The following RASGEF1A variants were observed in gnomAD, a reference collection of about 807,000 sequenced individuals.
RASGEF1A encodes RasGEF domain family member 1A, also known as ras-GEF domain-containing family member 1A.
Under a neutral mutation model 56.4 loss-of-function variants are expected in RASGEF1A, and 18 were observed. That is an observed-to-expected ratio of 0.32 (90% CI 0.22 to 0.47). The LOEUF (loss-of-function observed/expected upper bound fraction) is 0.47. Ranked by LOEUF, RASGEF1A falls within the 20% of genes least tolerant of loss-of-function variation. The probability of loss-of-function intolerance (pLI) is 1.00; values close to 1 mark genes in which losing one functional copy is unlikely to be tolerated. For missense variants in RASGEF1A, 422 were observed against 627.1 expected, an observed-to-expected ratio of 0.67 and a Z score of 3.49; for synonymous variants, 245 against 242.6, an observed-to-expected ratio of 1.01 and a Z score of -0.09.
chr10:43,199,214 C>A lies in RASGEF1A; in HGVS notation c.850-20G>T. The A allele has an allele frequency of 6.3e-7, 1 of 1,575,000 alleles. No homozygotes were observed. The highest frequency in any genetic ancestry group is 8.7e-7 in the Non-Finnish European group (1 of 1,153,460). The stretch of plus-strand genomic sequence containing the variant: ...CACCACCTGGAAGGTGGCAGGTGAC[C>A]TCAGCATGGCGCTGCCGGGGGACAG... On this transcript the variant is annotated intron_variant, in intron 7 of 12. Coordinates refer to ENST00000395810, the MANE Select transcript of RASGEF1A (RefSeq NM_145313.4).
chr10:43,205,346 G>C (rs1839977672), intron 2 of RASGEF1A, among the ~76,000 whole-genome samples: 1 of 152,174 alleles, frequency 6.6e-6, no homozygotes, highest in Non-Finnish European at 1.5e-5. Flanking sequence ...TCTGTTCCAA[G>C]ACTGTATCAT....
At chr10:43,262,373 C>G (rs866625503) in intron 1 of RASGEF1A, among the ~76,000 whole-genome samples, 19 of 152,304 alleles carry the variant, frequency 1.2e-4, no homozygotes, top group Middle Eastern at 3.4e-3. Context: ...AAACAGGGTG[C>G]TGGCCTCCCA....
intron 4 of RASGEF1A, 38 bp downstream of exon 4, chr10:43,201,770 C>T (rs886580593): frequency 2.0e-6 from 3 of 1,513,498 alleles, no homozygotes; most frequent in Admixed American, 1.9e-5. Flanking sequence ...CCCTGGCACA[C>T]ACCCAAAGAC....
chr10:43,206,305 G>C (rs1418978831), intron 1 of RASGEF1A, among the ~76,000 whole-genome samples, 183 bp from the exon 2 acceptor site: 1 of 152,202 alleles, frequency 6.6e-6, no homozygotes, highest in Non-Finnish European at 1.5e-5. Flanking sequence ...TGGTCCCCCA[G>C]CCGCTGCACA....
chr10:43,230,906 G>T (rs1840357848), intron 1 of RASGEF1A, among the ~76,000 whole-genome samples: 1 of 152,160 alleles, frequency 6.6e-6, no homozygotes, highest in South Asian at 2.1e-4. Context: ...TCATTCACTG[G>T]CCTCCCTCAA....
intron 1 of RASGEF1A, among the ~76,000 whole-genome samples, chr10:43,244,792 T>C (rs1840551653): frequency 6.6e-6 from 1 of 152,116 alleles, no homozygotes; most frequent in Admixed American, 6.6e-5. Context: ...ATGCCAAACT[T>C]ACGGAATACA....
intron 1 of RASGEF1A, among the ~76,000 whole-genome samples, chr10:43,234,905 C>T (rs1438730503): frequency 1.3e-5 from 2 of 152,242 alleles, no homozygotes; most frequent in African/African-American, 4.8e-5. Flanking sequence ...CCTGCACACA[C>T]AGCCACGGTC....
At chr10:43,199,815 G>A in intron 6 of RASGEF1A, 47 bp from the exon 7 acceptor site, 1 of 1,488,938 alleles carries the variant, frequency 6.7e-7, no homozygotes, top group Non-Finnish European at 9.3e-7. Context: ...GACCATGGCT[G>A]GACAACTTAG....
At position 43,198,915 on chromosome 10, in the gene RASGEF1A, C is replaced by T. The variant is rs1474516169; in HGVS notation, c.1032+18G>A. ...AAATGGGTGCAGCTCGCAGCTGTGA[C>T]GGGGCTCAGGTGCCTACCTCCAAGA... On this transcript the variant is annotated intron_variant, in intron 9 of 12. Transcript: ENST00000395810. The T allele has an allele frequency of 1.4e-5, 22 of 1,610,030 alleles. No homozygotes were observed. Among genetic ancestry groups the T allele is most frequent in the Non-Finnish European group, 1.4e-5 (17 of 1,177,842 alleles).
chr10:43,230,337 G>A (rs920664589), intron 1 of RASGEF1A, among the ~76,000 whole-genome samples: 4 of 152,264 alleles, frequency 2.6e-5, no homozygotes, highest in African/African-American at 4.8e-5. Flanking sequence ...GATCCGAGCC[G>A]CAGCGAGGGG....
rs1839847063 is a variant in RASGEF1A, at chr10:43,199,008, G to C, written c.957C>G (p.Gly319=). ...NFNSMMAIIS[G]MNLSPVARLK... ...GCCTTGCCACAGGACTGAGGTTCATGCCAGCTGCAGAGGACAGCAGGTAGG... is the reference window on the plus strand; with the variant it reads ...GCCTTGCCACAGGACTGAGGTTCATCCCAGCTGCAGAGGACAGCAGGTAGG... Residue 319 remains glycine (G), a synonymous_variant, in exon 9 of 13, where the codon GGC becomes GGG. Coordinates refer to ENST00000395810, the MANE Select transcript of RASGEF1A (RefSeq NM_145313.4). 4 of 1,525,444 alleles carry C rather than the reference G, an allele frequency of 2.6e-6. No individual in the cohort carries two copies. Among genetic ancestry groups the C allele is most frequent in the Non-Finnish European group, 3.6e-6 (4 of 1,108,754 alleles). 94.5% of individuals were successfully genotyped at this position (1,525,444 alleles called of 1,614,324 possible). A position where few individuals can be genotyped will look rare whatever the true frequency, so the allele number is the denominator to read the frequency against.
At position 43,205,929 on chromosome 10, in the gene RASGEF1A, T is replaced by C. The variant is rs1179690572; in HGVS notation, c.188A>G (p.Tyr63Cys). 1.2e-6 allele frequency: 2 copies of C among 1,612,688 alleles called. No individual in the cohort carries two copies. Among genetic ancestry groups the C allele is most frequent in the Non-Finnish European group, 1.7e-6 (2 of 1,179,530 alleles). The change falls in exon 2 of 13, where the codon TAT (tyrosine) becomes TGT (cysteine). Residue 63 changes from tyrosine to cysteine, a missense_variant. Tyr to Cys is a radical substitution (Grantham distance 194). Transcript: ENST00000395810. ...GCCCCACGTACTCACATCGGGGTAA[T>C]AGTCCACCGTGGGAACAAGGTGCTC... ...LMEHLVPTVD[Y>C]YPDRTYIFTF...
chr10:43,263,117 G>A (rs1836565417), intron 1 of RASGEF1A, among the ~76,000 whole-genome samples: 1 of 152,162 alleles, frequency 6.6e-6, no homozygotes, highest in Non-Finnish European at 1.5e-5. Flanking sequence ...GATGAGAGCT[G>A]GAACCGGATC....
chr10:43,226,985 G>C (rs1414526926), intron 1 of RASGEF1A, among the ~76,000 whole-genome samples: 1 of 152,250 alleles, frequency 6.6e-6, no homozygotes, highest in Non-Finnish European at 1.5e-5. Context: ...GTGTCGTGGA[G>C]GCACGGAGGT....
intron 1 of RASGEF1A, among the ~76,000 whole-genome samples, chr10:43,253,657 C>A (rs941840424): frequency 2.0e-5 from 3 of 152,182 alleles, no homozygotes; most frequent in Admixed American, 2.0e-4. Flanking sequence ...CTCTAGGGGC[C>A]CTCAGGGGCC....
intron 1 of RASGEF1A, among the ~76,000 whole-genome samples, chr10:43,214,607 G>A (rs1195977244): frequency 1.3e-5 from 2 of 152,174 alleles, no homozygotes; most frequent in Non-Finnish European, 2.9e-5. Flanking sequence ...GGAGGGGACA[G>A]AGTCTCCTGC....
At chr10:43,209,135 A>G in intron 1 of RASGEF1A, 1 of 985,450 alleles carries the variant, frequency 1.0e-6, no homozygotes, top group Non-Finnish European at 1.2e-6. Flanking sequence ...TTCCCAAGGA[A>G]GAATTGCACA....
rs1298287854 is a variant in RASGEF1A at position 43,199,786 on chromosome 10, G to C, written c.757-18C>G. 6.3e-7 allele frequency: 1 copy of C among 1,599,836 alleles called. No individual in the cohort carries two copies. Among genetic ancestry groups the C allele is most frequent in the South Asian group, 1.1e-5 (1 of 90,712 alleles). On this transcript the variant is annotated intron_variant, in intron 6 of 12. Transcript: ENST00000395810. ...CCTCGGCACTGGAAAGGACACAGCAGGTCATAGGGGGCCTGGAGGACCATG... is the reference window on the plus strand; with the variant it reads ...CCTCGGCACTGGAAAGGACACAGCACGTCATAGGGGGCCTGGAGGACCATG...
intron 1 of RASGEF1A, among the ~76,000 whole-genome samples, chr10:43,213,788 A>C (rs1206811737): frequency 6.6e-6 from 1 of 150,912 alleles, no homozygotes; most frequent in Non-Finnish European, 1.5e-5. Flanking sequence ...CACCATGCCC[A>C]GCTAATGTTT....
Sources: allele counts gnomAD v4.1 joint callset (sites outside exome capture counted in the v4.1 genomes callset), GRCh38; gene constraint gnomAD v4.1.1; transcripts MANE v1.5; gene names NCBI Gene and HGNC (gene_info 2026-07-23, HGNC 2026-07-21).